Variants in ZBTB16 observed in about 807,000 individuals in gnomAD.
The protein encoded by ZBTB16 is zinc finger and BTB domain-containing protein 16.
In ZBTB16, 8 loss-of-function variants were observed where a neutral mutation model predicts 56.8. The observed-to-expected ratio is 0.14, with a 90% CI of 0.08 to 0.25. ZBTB16 has a LOEUF of 0.25. ZBTB16 is among the 10% of genes least tolerant of loss of function. The pLI, the probability that ZBTB16 is intolerant of heterozygous loss-of-function variation, is 1.00. For missense variants in ZBTB16, 625 were observed against 903.0 expected (o/e 0.69, Z 3.95); for synonymous variants, 363 against 368.5 (o/e 0.98, Z 0.17).
At chr11:114,169,311 C>A (rs1942886946) in intron 3 of ZBTB16, among the ~76,000 whole-genome samples, 9 of 152,262 alleles carry the variant, frequency 5.9e-5, no homozygotes, top group Admixed American at 5.9e-4. Flanking sequence ...GTTGGGCCTC[C>A]CTGACCTTTC....
chr11:114,244,841 C>T (rs891278915), intron 5 of ZBTB16, among the ~76,000 whole-genome samples: 5 of 152,250 alleles, frequency 3.3e-5, no homozygotes, highest in South Asian at 4.1e-4. Flanking sequence ...CACAGGCAGC[C>T]GCCCCCTTCC....
intron 2 of ZBTB16, among the ~76,000 whole-genome samples, chr11:114,151,853 C>T (rs1942286359): frequency 6.6e-6 from 1 of 152,200 alleles, no homozygotes; most frequent in African/African-American, 2.4e-5. Context: ...CCTTGGGGCT[C>T]AGCTGTTGTG....
chr11:114,242,856 C>A (rs1481384026), intron 5 of ZBTB16, among the ~76,000 whole-genome samples: 1 of 152,180 alleles, frequency 6.6e-6, no homozygotes, highest in Non-Finnish European at 1.5e-5. Context: ...GTAACAAAGG[C>A]CTGTACTTGG....
intron 4 of ZBTB16, among the ~76,000 whole-genome samples, chr11:114,222,944 G>A (rs780071037): frequency 6.6e-6 from 1 of 152,198 alleles, no homozygotes; most frequent in Non-Finnish European, 1.5e-5. Context: ...GCAGCTCACA[G>A]CAGGCCCTGC....
intron 4 of ZBTB16, among the ~76,000 whole-genome samples, chr11:114,201,762 G>T (rs1258917009): frequency 6.6e-6 from 1 of 152,148 alleles, no homozygotes; most frequent in Admixed American, 6.5e-5. Context: ...CTCTATACCT[G>T]TTAACAATGA....
intron 3 of ZBTB16, among the ~76,000 whole-genome samples, chr11:114,158,361 G>A (rs1347894980): frequency 2.0e-5 from 3 of 152,060 alleles, no homozygotes; most frequent in Admixed American, 6.5e-5. Flanking sequence ...TTGCTTTATG[G>A]GCTTGTTGCT....
intron 2 of ZBTB16, among the ~76,000 whole-genome samples, chr11:114,078,281 C>CT (rs1939639937): frequency 6.6e-6 from 1 of 152,194 alleles, no homozygotes; most frequent in Non-Finnish European, 1.5e-5. Flanking sequence ...GTTATCTTTG[C>CT]TTTTTAAGTT....
chr11:114,217,821 G>A (rs148504913), intron 4 of ZBTB16, among the ~76,000 whole-genome samples: 1 of 152,302 alleles, frequency 6.6e-6, no homozygotes, highest in African/African-American at 2.4e-5. Flanking sequence ...GCCTCCTGCA[G>A]CCAGCTCCTT....
intron 3 of ZBTB16, among the ~76,000 whole-genome samples, chr11:114,177,055 AGGAGCT>A (rs566343896): frequency 3.2e-3 from 486 of 152,336 alleles, no homozygotes; most frequent in Non-Finnish European, 4.9e-3. Context: ...GGCTGTGGCC[AGGAGCT>A]GTCCTCCTGG....
At position 114,226,940 on chromosome 11, in the gene ZBTB16, C is replaced by T. The variant is rs150650796; in HGVS notation, c.1454-15227C>T. Among the ~76,000 whole-genome samples, 28 of 152,282 alleles carry T rather than the reference C, an allele frequency of 1.8e-4. No homozygotes were observed. In the East Asian group the frequency reaches 5.4e-3, roughly 29 times the overall value. On this transcript the variant is annotated intron_variant, in intron 4 of 6. Coordinates refer to ENST00000335953, the MANE Select transcript of ZBTB16 (RefSeq NM_006006.6). Reference sequence around the variant, plus strand: ...CAAATAGCAAGAAGGACAGTATCTTCCTTCCAGGCTTTAAAATCCCTTGCG... The same window carrying T: ...CAAATAGCAAGAAGGACAGTATCTTTCTTCCAGGCTTTAAAATCCCTTGCG...
At chr11:114,111,972 G>T (rs1019669605) in intron 2 of ZBTB16, among the ~76,000 whole-genome samples, 3 of 151,992 alleles carry the variant, frequency 2.0e-5, no homozygotes, top group African/African-American at 7.2e-5. Context: ...AATAAAGAAA[G>T]AATTTCTCTC....
In ZBTB16 at chr11:114,168,473, A is replaced by T. The variant is rs1312309934; in HGVS notation, c.1366+12039A>T. Reference sequence around the variant, plus strand: ...TTGAAACTTGCTGTGTTCCAGGCACAGTGCTATGTGTTCTGCATATCTGAA... The same window carrying T: ...TTGAAACTTGCTGTGTTCCAGGCACTGTGCTATGTGTTCTGCATATCTGAA... On this transcript the variant is annotated intron_variant, in intron 3 of 6. Transcript: ENST00000335953. Among the ~76,000 whole-genome samples the T allele has an allele frequency of 5.9e-5, 9 of 152,374 alleles. No individual in the cohort carries two copies. The East Asian group carries it at 1.4e-3, about 23-fold the overall frequency.
At chr11:114,179,647 A>C (rs1943199229) in intron 3 of ZBTB16, among the ~76,000 whole-genome samples, 1 of 152,098 alleles carries the variant, frequency 6.6e-6, no homozygotes, top group Non-Finnish European at 1.5e-5. Context: ...GTGTTTTTTC[A>C]GTGGTTCTTT....
intron 2 of ZBTB16, among the ~76,000 whole-genome samples, chr11:114,116,308 C>G (rs1335051861): frequency 1.3e-5 from 2 of 152,196 alleles, no homozygotes; most frequent in East Asian, 1.9e-4. Context: ...AGAGGCACAA[C>G]TGACTTTATT....
intron 2 of ZBTB16, among the ~76,000 whole-genome samples, chr11:114,093,980 C>T (rs369030881): frequency 1.3e-4 from 20 of 152,202 alleles, no homozygotes; most frequent in East Asian, 7.7e-4. Flanking sequence ...CTTTGAGCCC[C>T]CTTCTGGTTA....
chr11:114,157,668 T>A (rs1475721884), intron 3 of ZBTB16, among the ~76,000 whole-genome samples: 1 of 152,202 alleles, frequency 6.6e-6, no homozygotes, highest in Non-Finnish European at 1.5e-5. Context: ...CCCACTGCCT[T>A]GCTGCAGGGC....
intron 4 of ZBTB16, among the ~76,000 whole-genome samples, chr11:114,233,134 C>A (rs1294594815): frequency 1.2e-5 from 1 of 83,376 alleles, no homozygotes; most frequent in Non-Finnish European, 3.0e-5. Flanking sequence ...CACTCTCTCT[C>A]TCTCACACTC....
intron 1 of ZBTB16, chr11:114,061,501 G>A (rs1938866100): frequency 6.6e-6 from 1 of 152,356 alleles, no homozygotes; most frequent in South Asian, 2.1e-4. Flanking sequence ...GCCGTCCTGT[G>A]AATCCTTTCT....
intron 6 of ZBTB16, among the ~76,000 whole-genome samples, chr11:114,248,181 G>C (rs1944852964): frequency 6.6e-6 from 1 of 152,200 alleles, no homozygotes. Context: ...TTACAGGCGT[G>C]AGCCACCGTG....
Sources: gnomAD v4.1 joint callset for allele counts (sites outside exome capture counted in the v4.1 genomes callset) on GRCh38, gnomAD v4.1.1 for gene constraint, MANE v1.5 for transcripts, NCBI Gene and HGNC (gene_info 2026-07-23, HGNC 2026-07-21) for gene names.